The following ETFA variants were observed in gnomAD, a reference collection of about 807,000 sequenced individuals.
ETFA encodes electron transfer flavoprotein subunit alpha.
A neutral mutation model predicts 46.2 loss-of-function variants in ETFA; 22 were observed. The ratio of observed to expected loss-of-function variants is 0.48; its 90% confidence interval spans 0.34 to 0.68. The LOEUF (loss-of-function observed/expected upper bound fraction) is 0.68. Among genes scored for constraint, ETFA ranks in the 30% least tolerant of loss-of-function variants. The pLI, the probability that ETFA is intolerant of heterozygous loss-of-function variation, is 0.01. For synonymous variants in ETFA, 131 were observed against 139.9 expected (o/e 0.94, Z 0.45); for missense variants, 345 against 401.1 (o/e 0.86, Z 1.19).
chr15:76,270,171 A>G (rs1173958268), intron 9 of ETFA, among the ~76,000 whole-genome samples: 1 of 152,208 alleles, frequency 6.6e-6, no homozygotes, highest in Non-Finnish European at 1.5e-5. Flanking sequence ...ACCCAGACAA[A>G]GATGCCAGAG....
At chr15:76,217,661 A>C (rs1375480887) in intron 11 of ETFA, 1 of 455,000 alleles carries the variant, frequency 2.2e-6, no homozygotes, top group African/African-American at 2.0e-5. Flanking sequence ...TGGACAGAGG[A>C]GAGCTGTCCA....
intron 4 of ETFA, among the ~76,000 whole-genome samples, chr15:76,288,779 A>T (rs1043732840): frequency 6.6e-6 from 1 of 151,892 alleles, no homozygotes; most frequent in Non-Finnish European, 1.5e-5. Context: ...GTACATATTT[A>T]AAAAGCAACA....
At chr15:76,232,327 G>A (rs2141464761) in intron 9 of ETFA, among the ~76,000 whole-genome samples, 1 of 152,252 alleles carries the variant, frequency 6.6e-6, no homozygotes, top group Non-Finnish European at 1.5e-5. Context: ...CTGTTTACCA[G>A]GTATGATTAA....
At chr15:76,308,967 C>G (rs2039962409) in intron 1 of ETFA, among the ~76,000 whole-genome samples, 1 of 152,180 alleles carries the variant, frequency 6.6e-6, no homozygotes, top group Non-Finnish European at 1.5e-5. Flanking sequence ...CTGGGAAAAC[C>G]AGGGGAAGGG....
At chr15:76,239,287 T>C (rs1229808895) in intron 9 of ETFA, among the ~76,000 whole-genome samples, 1 of 152,148 alleles carries the variant, frequency 6.6e-6, no homozygotes, top group Non-Finnish European at 1.5e-5. Context: ...AAATTATATA[T>C]ATTTAAAGTA....
intron 9 of ETFA, chr15:76,259,519 A>G (rs2039380751): frequency 2.4e-6 from 2 of 832,060 alleles, no homozygotes; most frequent in African/African-American, 1.7e-5. Flanking sequence ...ATGCCAGCGT[A>G]TGGTGTCTGC....
rs369689858 is a variant in ETFA, at chr15:76,285,794, G to T, written c.563-56C>A. 5.7e-5 allele frequency: 63 copies of T among 1,104,854 alleles called. No individual in the cohort carries two copies. The African/African-American group carries it at 8.7e-4, about 15-fold the overall frequency. 68.4% of individuals were successfully genotyped at this position (1,104,854 alleles called of 1,614,324 possible). ...ACTATGATTTCAAGTTCTATAACAA[G>T]AATTATTTTCAAGAGAAACACACAA... On this transcript the variant is annotated intron_variant, in intron 6 of 11. Coordinates refer to ENST00000557943, the MANE Select transcript of ETFA (RefSeq NM_000126.4).
intron 1 of ETFA, among the ~76,000 whole-genome samples, chr15:76,296,662 C>G (rs1478329511): frequency 2.0e-5 from 3 of 152,202 alleles, no homozygotes; most frequent in South Asian, 4.1e-4. Context: ...AAAAAGGAAG[C>G]TTGCAGACAG....
At position 76,260,857 on chromosome 15, in the gene ETFA, G is replaced by A; in HGVS notation, c.816+13555C>T. ...GTGGCAGGCACCAGGTCCCGGAGCA[G>A]GCAGGTAAAGGGGGGCACAAGGACC... is the stretch of plus-strand genomic sequence containing the variant. On this transcript the variant is annotated intron_variant, in intron 9 of 11. Coordinates refer to ENST00000557943, the MANE Select transcript of ETFA (RefSeq NM_000126.4). 3.7e-6 allele frequency: 6 copies of A among 1,611,816 alleles called. No homozygotes were observed. The Admixed American group carries it at 6.7e-5, about 18-fold the overall frequency.
chr15:76,242,741 T>C (rs1240631025), intron 9 of ETFA, among the ~76,000 whole-genome samples: 1 of 152,174 alleles, frequency 6.6e-6, no homozygotes, highest in Non-Finnish European at 1.5e-5. Context: ...TACAATATGA[T>C]GAAATGTGAA....
chr15:76,227,355 A>G (rs749166962), intron 10 of ETFA, among the ~76,000 whole-genome samples: 18 of 151,954 alleles, frequency 1.2e-4, no homozygotes, highest in Non-Finnish European at 2.4e-4. Flanking sequence ...CACCTCTACT[A>G]AACACACAAA....
intron 1 of ETFA, among the ~76,000 whole-genome samples, chr15:76,310,252 TAAACAAACAAAC>T (rs200222031): frequency 4.4e-4 from 65 of 149,258 alleles, no homozygotes; most frequent in Non-Finnish European, 8.0e-4. Context: ...CCTTGTCTCT[TAAACAAACAAAC>T]AAACAAACAA....
At chr15:76,250,975 GTATA>G (rs2039292783) in intron 9 of ETFA, among the ~76,000 whole-genome samples, 1 of 151,182 alleles carries the variant, frequency 6.6e-6, no homozygotes, top group South Asian at 2.1e-4. Flanking sequence ...TATGTAAATT[GTATA>G]TATATTTATA....
intron 7 of ETFA, among the ~76,000 whole-genome samples, chr15:76,285,107 G>T (rs1160819655): frequency 3.3e-5 from 5 of 151,932 alleles, no homozygotes; most frequent in Admixed American, 6.6e-5. Flanking sequence ...TAGTCAGTGG[G>T]CCATAAAAAA....
chr15:76,233,325 CTTTTTTTTTTTTT>C (rs66595585), intron 9 of ETFA, among the ~76,000 whole-genome samples: 1 of 84,472 alleles, frequency 1.2e-5, no homozygotes, highest in African/African-American at 4.6e-5. Flanking sequence ...ATTCAATAGG[CTTTTTTTTTTTTT>C]TTTTTTTTTG....
At chr15:76,293,517 G>GTTCTTTT (rs768972499) in intron 2 of ETFA, among the ~76,000 whole-genome samples, 7 of 152,150 alleles carry the variant, frequency 4.6e-5, no homozygotes, top group Non-Finnish European at 1.0e-4. Flanking sequence ...ATTAGAATGG[G>GTTCTTTT]GTTCTGAGAA....
Position 76,237,776 on chromosome 15 carries a change from A to C in ETFA, c.817-6378T>G, listed in dbSNP as rs905081383. ...AAAAGGAGACAGCCAACTGTCAAAA[A>C]TTTCACTTTAAAATGGTAACTATTA... is the stretch of plus-strand genomic sequence containing the variant. On this transcript the variant is annotated intron_variant, in intron 9 of 11. Transcript: ENST00000557943. Among the ~76,000 whole-genome samples, 9 of 152,342 alleles carry C rather than the reference A, an allele frequency of 5.9e-5. No homozygotes were observed. In the East Asian group the frequency reaches 1.2e-3, roughly 20 times the overall value.
At chr15:76,308,510 T>C (rs773249954) in intron 1 of ETFA, among the ~76,000 whole-genome samples, 1 of 150,808 alleles carries the variant, frequency 6.6e-6, no homozygotes, top group Admixed American at 6.6e-5. Context: ...ATACATGACC[T>C]GAATCTAATC....
chr15:76,297,066 G>A (rs765094999), intron 1 of ETFA, among the ~76,000 whole-genome samples: 3 of 152,194 alleles, frequency 2.0e-5, no homozygotes, highest in Non-Finnish European at 2.9e-5. Context: ...GCATGGTTAC[G>A]TGGCTTAATT....
Sources: gnomAD v4.1 joint callset for allele counts (sites outside exome capture counted in the v4.1 genomes callset) on GRCh38, gnomAD v4.1.1 for gene constraint, MANE v1.5 for transcripts, NCBI Gene and HGNC (gene_info 2026-07-23, HGNC 2026-07-21) for gene names.